AGBL4: variants seen among roughly 807,000 people sequenced by gnomAD.
AGBL4 encodes the protein cytosolic carboxypeptidase 6.
A neutral mutation model predicts 66.4 loss-of-function variants in AGBL4; 58 were observed. That is an observed-to-expected ratio of 0.87 (90% confidence interval 0.71 to 1.09). AGBL4 has a LOEUF of 1.09. AGBL4 is among the 50% of genes least tolerant of loss of function. The pLI is 0.00. For synonymous variants in AGBL4, 234 were observed against 222.9 expected (o/e 1.05, Z -0.44); for missense variants, 579 against 631.0 (o/e 0.92, Z 0.88).
chr1:49,552,462 A>G (rs1653042633), intron 3 of AGBL4, among the ~76,000 whole-genome samples: 1 of 152,162 alleles, frequency 6.6e-6, no homozygotes, highest in Non-Finnish European at 1.5e-5. Flanking sequence ...GGACCCAGCG[A>G]GCTCCCAGGG....
chr1:49,136,366 G>A (rs1315211220), intron 4 of AGBL4, among the ~76,000 whole-genome samples: 1 of 152,178 alleles, frequency 6.6e-6, no homozygotes, highest in Non-Finnish European at 1.5e-5. Context: ...GTGTTCAAGA[G>A]ATTAAGGAAT....
chr1:48,723,768 T>TTA (rs1647186226), intron 6 of AGBL4, among the ~76,000 whole-genome samples: 2 of 152,226 alleles, frequency 1.3e-5, no homozygotes, highest in South Asian at 4.1e-4. Context: ...GTCACACCCA[T>TTA]TATATATATC....
At chr1:48,709,877 C>T (rs888024436) in intron 6 of AGBL4, among the ~76,000 whole-genome samples, 7 of 152,102 alleles carry the variant, frequency 4.6e-5, no homozygotes, top group Admixed American at 2.0e-4. Flanking sequence ...GCTGGGATTA[C>T]AGGCGTGAGC....
intron 4 of AGBL4, among the ~76,000 whole-genome samples, chr1:49,105,393 A>G (rs1645274451): frequency 6.6e-6 from 1 of 152,134 alleles, no homozygotes. Flanking sequence ...GTTCTTAGAG[A>G]TCTGTCCATG....
intron 2 of AGBL4, among the ~76,000 whole-genome samples, chr1:49,802,332 C>T (rs1193482052): frequency 6.6e-6 from 1 of 152,098 alleles, no homozygotes; most frequent in African/African-American, 2.4e-5. Context: ...CTCTTCTAGG[C>T]CTCTTTAGGG....
chr1:49,482,708 T>C (rs1357550462), intron 3 of AGBL4, among the ~76,000 whole-genome samples: 1 of 152,008 alleles, frequency 6.6e-6, no homozygotes, highest in Non-Finnish European at 1.5e-5. Context: ...GTTCTTCTAG[T>C]TGTGATATTA....
chr1:49,230,133 C>T (rs993579232), intron 4 of AGBL4, among the ~76,000 whole-genome samples: 14 of 152,150 alleles, frequency 9.2e-5, no homozygotes, highest in African/African-American at 2.9e-4. Flanking sequence ...CTTAGGAGTA[C>T]GGCTTTGGCC....
At chr1:49,831,556 A>G (rs1645679458) in intron 2 of AGBL4, among the ~76,000 whole-genome samples, 1 of 152,226 alleles carries the variant, frequency 6.6e-6, no homozygotes, top group East Asian at 1.9e-4. Flanking sequence ...CAATATGCAA[A>G]TAGAGACAAT....
intron 3 of AGBL4, among the ~76,000 whole-genome samples, chr1:49,308,471 T>C (rs1339092493): frequency 6.6e-6 from 1 of 151,902 alleles, no homozygotes; most frequent in African/African-American, 2.4e-5. Flanking sequence ...AGGGTGACCT[T>C]AGAAGATTAT....
At chr1:49,786,245 T>G (rs1162292406) in intron 2 of AGBL4, among the ~76,000 whole-genome samples, 4 of 152,168 alleles carry the variant, frequency 2.6e-5, no homozygotes, top group Admixed American at 2.0e-4. Flanking sequence ...GAGATCAAAC[T>G]ATGTATATAG....
chr1:49,546,368 T>C (rs992128265), intron 3 of AGBL4, among the ~76,000 whole-genome samples: 1 of 151,328 alleles, frequency 6.6e-6, no homozygotes, highest in Non-Finnish European at 1.5e-5. Flanking sequence ...TATTCCATCA[T>C]TATATATATA....
intron 5 of AGBL4, among the ~76,000 whole-genome samples, chr1:48,921,433 A>G (rs564308613): frequency 1.3e-5 from 2 of 152,332 alleles, no homozygotes; most frequent in Admixed American, 1.3e-4. Flanking sequence ...ATAAAGCGAT[A>G]CGGTAGGTAA....
intron 2 of AGBL4, among the ~76,000 whole-genome samples, chr1:49,825,163 C>G (rs959957100): frequency 6.6e-6 from 1 of 152,184 alleles, no homozygotes; most frequent in Non-Finnish European, 1.5e-5. Context: ...ATCTTCTTTA[C>G]TGATACAAAA....
intron 3 of AGBL4, among the ~76,000 whole-genome samples, chr1:49,368,160 T>C (rs1053392491): frequency 6.6e-6 from 1 of 152,192 alleles, no homozygotes; most frequent in African/African-American, 2.4e-5. Flanking sequence ...TACTCATCCA[T>C]TGATAGACAC....
chr1:48,635,281 G>A (rs1645650396), intron 8 of AGBL4, among the ~76,000 whole-genome samples: 1 of 152,210 alleles, frequency 6.6e-6, no homozygotes. Flanking sequence ...CTAGTTGCAT[G>A]TGTGGATTTG....
rs942599703 is a variant in AGBL4 at position 48,759,406 on chromosome 1, A to T, written c.635-96165T>A. On this transcript the variant is annotated intron_variant, in intron 6 of 13. Coordinates refer to ENST00000371839, the MANE Select transcript of AGBL4 (RefSeq NM_032785.4). Reference sequence around the variant, plus strand: ...TCACAGAACATCAGTGCTTGGAGAAACCTGTGCAAACACTTAGTCAAAGCC... The same window carrying T: ...TCACAGAACATCAGTGCTTGGAGAATCCTGTGCAAACACTTAGTCAAAGCC... The T allele has an allele frequency of 5.7e-5, 81 of 1,408,966 alleles. 1 individual carries two copies. The South Asian group carries it at 1.0e-3, about 17-fold the overall frequency. The allele number at this position is 1,408,966 out of a possible 1,614,324, so 87.3% of individuals were successfully genotyped here.
intron 3 of AGBL4, among the ~76,000 whole-genome samples, chr1:49,642,757 G>A (rs1645808629): frequency 6.6e-6 from 1 of 152,002 alleles, no homozygotes; most frequent in Non-Finnish European, 1.5e-5. Context: ...AAGGGGAAAA[G>A]AGCCCAAGAT....
At chr1:48,896,916 A>G (rs1292708314) in intron 5 of AGBL4, among the ~76,000 whole-genome samples, 1 of 152,152 alleles carries the variant, frequency 6.6e-6, no homozygotes, top group Non-Finnish European at 1.5e-5. Context: ...TGGGGTCTTC[A>G]AGGGTTTCAC....
chr1:49,665,409 C>T (rs1316032776), intron 3 of AGBL4, among the ~76,000 whole-genome samples: 2 of 152,060 alleles, frequency 1.3e-5, no homozygotes, highest in South Asian at 2.1e-4. Flanking sequence ...CAAGTTATTT[C>T]TCCTCTGTAA....
Sources: gnomAD v4.1 joint callset for allele counts (sites outside exome capture counted in the v4.1 genomes callset) on GRCh38, gnomAD v4.1.1 for gene constraint, MANE v1.5 for transcripts, NCBI Gene and HGNC (gene_info 2026-07-23, HGNC 2026-07-21) for gene names.